Variants in ZNF592 observed in about 807,000 individuals in gnomAD.
ZNF592 encodes zinc finger protein 592.
ZNF592 carries 11 observed loss-of-function variants against 80.3 expected under a neutral mutation model. That is an observed-to-expected ratio of 0.14 (90% CI 0.09 to 0.23). The LOEUF (loss-of-function observed/expected upper bound fraction) is 0.23, where lower values mean the gene tolerates loss of function less well. Ranked by LOEUF, ZNF592 falls within the 10% of genes least tolerant of loss-of-function variation. ZNF592 has a pLI of 1.00. For missense variants in ZNF592, 1,420 were observed against 1,633.9 expected, an observed-to-expected ratio of 0.87 and a Z score of 2.26; for synonymous variants, 646 against 640.3, an observed-to-expected ratio of 1.01 and a Z score of -0.13.
chr15:84,784,905 C>A lies in ZNF592; in HGVS notation c.2220+10C>A. Reference sequence around the variant, plus strand: ...GGAGACAGAGGGGCTGGTAAGCAGACCCTCACTGTTACGGGTATCGGGCCC... The same window carrying A: ...GGAGACAGAGGGGCTGGTAAGCAGAACCTCACTGTTACGGGTATCGGGCCC... On this transcript the variant is annotated intron_variant, in intron 4 of 10. Coordinates refer to ENST00000560079, the MANE Select transcript of ZNF592 (RefSeq NM_014630.3). This position sits in a 1 kb window ranked among gnomAD's most constrained non-coding sequence, Gnocchi z 5.8. 6.2e-7 allele frequency: 1 copy of A among 1,614,070 alleles called. No individual in the cohort carries two copies. Among genetic ancestry groups the A allele is most frequent in the Non-Finnish European group, 8.5e-7 (1 of 1,180,016 alleles).
intron 1 of ZNF592, among the ~76,000 whole-genome samples, chr15:84,756,011 TC>T (rs1207158168): frequency 6.6e-6 from 1 of 152,176 alleles, no homozygotes. Flanking sequence ...AAGAAATCAT[TC>T]CTTTTCTGGT....
chr15:84,752,165 T>C (rs1398688237), intron 1 of ZNF592, among the ~76,000 whole-genome samples: 1 of 152,248 alleles, frequency 6.6e-6, no homozygotes, highest in Non-Finnish European at 1.5e-5. Context: ...TTCTTGAATT[T>C]CGTGTGACTT....
chr15:84,798,307 CTCA>C lies in ZNF592; in HGVS notation c.2577-4_2577-2del, dbSNP rs1962981765. On this transcript the variant is annotated splice_polypyrimidine_tract_variant and splice_region_variant and intron_variant, in intron 6 of 10. Coordinates refer to ENST00000560079, the MANE Select transcript of ZNF592 (RefSeq NM_014630.3). The surrounding 1 kb of genome is among the most constrained non-coding windows in gnomAD (Gnocchi z 4.5). ...GGCCACCTCACCCCCTAGGGCTTGT[CTCA>C]TCAGGCTCATTTATAAGTGCTCCTG... 1 of 1,614,172 alleles carries C rather than the reference CTCA, an allele frequency of 6.2e-7. No individual in the cohort carries two copies. Among genetic ancestry groups the C allele is most frequent in the East Asian group, 2.2e-5 (1 of 44,884 alleles).
At chr15:84,786,590 G>T (rs1344480446) in intron 4 of ZNF592, among the ~76,000 whole-genome samples, 1 of 152,128 alleles carries the variant, frequency 6.6e-6, no homozygotes, top group Non-Finnish European at 1.5e-5. Context: ...GGGCCAGAAG[G>T]TGCTATAGGA....
At position 84,783,588 on chromosome 15, in the gene ZNF592, C is replaced by T. The variant is rs1962489313; in HGVS notation, c.913C>T (p.Pro305Ser). The change falls in exon 4 of 11, where the codon CCT (proline) becomes TCT (serine). Residue 305 changes from proline to serine, a missense_variant. By Grantham distance (74) the Pro-to-Ser change is moderately conservative (BLOSUM62 -1). Around this residue, in one of 7 missense-constraint regions of ZNF592, gnomAD observed 373 missense variants for 355.5 expected, o/e 1.05. Transcript: ENST00000560079. This position sits in a 1 kb window ranked among gnomAD's most constrained non-coding sequence, Gnocchi z 5.0. ...RVASVTKEDQ[P>S]GHTKDLSGPT... is the part of the protein sequence containing the mutation. ...GGCTAGTGTCACTAAGGAGGATCAG[C>T]CTGGCCACACAAAGGATCTCTCAGG... 6.2e-7 allele frequency: 1 copy of T among 1,614,222 alleles called. No individual in the cohort carries two copies. Among genetic ancestry groups the T allele is most frequent in the Non-Finnish European group, 8.5e-7 (1 of 1,180,050 alleles).
chr15:84,770,375 A>G (rs1899664280), intron 2 of ZNF592, among the ~76,000 whole-genome samples: 1 of 152,240 alleles, frequency 6.6e-6, no homozygotes, highest in Non-Finnish European at 1.5e-5. Context: ...TGAAATGTTC[A>G]GTAAACTACA....
At chr15:84,777,849 A>G (rs1365760068) in intron 2 of ZNF592, among the ~76,000 whole-genome samples, 1 of 151,812 alleles carries the variant, frequency 6.6e-6, no homozygotes, top group African/African-American at 2.4e-5. Flanking sequence ...ATAGGCGCCC[A>G]CCACCACGCC....
chr15:84,776,183 G>C (rs770748986), intron 2 of ZNF592, among the ~76,000 whole-genome samples: 1 of 152,196 alleles, frequency 6.6e-6, no homozygotes, highest in South Asian at 2.1e-4. Context: ...TTCAGGGTGA[G>C]CCTCTGACAA....
chr15:84,786,523 C>G (rs1962589116), intron 4 of ZNF592, among the ~76,000 whole-genome samples: 1 of 152,100 alleles, frequency 6.6e-6, no homozygotes, highest in Non-Finnish European at 1.5e-5. Context: ...GGGTAGAGGT[C>G]AGAGGTTGAG....
In ZNF592 at chr15:84,777,707, T is replaced by C. The variant is rs1962300619; in HGVS notation, c.-149-476T>C. Reference sequence around the variant, plus strand: ...TCTGTTGAGATACTTTTTTTTTTTTTTTTTTTTTTTGAGATGGAGTCTAGC... The same window carrying C: ...TCTGTTGAGATACTTTTTTTTTTTTCTTTTTTTTTTGAGATGGAGTCTAGC... On this transcript the variant is annotated intron_variant, in intron 2 of 10. Transcript: ENST00000560079. Among the ~76,000 whole-genome samples the C allele has an allele frequency of 2.1e-5, 3 of 142,192 alleles. No individual in the cohort carries two copies. The South Asian group carries it at 7.1e-4, about 33-fold the overall frequency. 93.3% of individuals were successfully genotyped at this position (142,192 alleles called of 152,430 possible).
At chr15:84,760,076 AGGGGAGT>A (rs372534678) in intron 1 of ZNF592, among the ~76,000 whole-genome samples, 1,919 of 151,538 alleles carry the variant, frequency 0.013, 40 homozygotes, top group African/African-American at 0.041. Flanking sequence ...GGATAGGCAG[AGGGGAGT>A]GATCCTTTTA....
At chr15:84,773,301 T>A (rs1034917628) in intron 2 of ZNF592, among the ~76,000 whole-genome samples, 4 of 148,770 alleles carry the variant, frequency 2.7e-5, no homozygotes, top group African/African-American at 7.4e-5. Context: ...AAGCTCCGCC[T>A]CCCGGGTTCA....
At chr15:84,765,471 A>C (rs1404496265) in intron 2 of ZNF592, among the ~76,000 whole-genome samples, 1 of 150,204 alleles carries the variant, frequency 6.7e-6, no homozygotes, top group Non-Finnish European at 1.5e-5. Context: ...ACCATTTTAC[A>C]TTCCTACCAG....
intron 2 of ZNF592, among the ~76,000 whole-genome samples, chr15:84,774,938 G>A (rs1226301894): frequency 1.3e-5 from 2 of 151,352 alleles, no homozygotes; most frequent in Non-Finnish European, 2.9e-5. Context: ...ACACCACCAC[G>A]CCCAGCTAGT....
At position 84,778,309 on chromosome 15, in the gene ZNF592, TCAGGTACA is replaced by T; in HGVS notation, c.-20_-20+7del. The T allele has an allele frequency of 3.8e-6, 1 of 266,180 alleles. No individual in the cohort carries two copies. 16.5% of individuals were successfully genotyped at this position (266,180 alleles called of 1,614,324 possible). ...GGTCCCTACCTGCCACGGATACCAG[TCAGGTACA>T]CATGCAGAGGCTGGAGGAGGCGGTG... On this transcript the variant is annotated splice_donor_variant and splice_donor_5th_base_variant and 5_prime_UTR_variant and intron_variant, in exon 3 of 11. Transcript: ENST00000560079. LOFTEE classifies it low-confidence loss of function (5UTR_SPLICE).
At chr15:84,766,707 G>GTGTGTGTA (rs1491502267) in intron 2 of ZNF592, among the ~76,000 whole-genome samples, 2 of 1,878 alleles carry the variant, frequency 1.1e-3, no homozygotes, top group African/African-American at 0.021. Flanking sequence ...ATGAGAAAGA[G>GTGTGTGTA]TGTGTGTGTG....
At chr15:84,781,527 G>A (rs1236351458) in intron 3 of ZNF592, among the ~76,000 whole-genome samples, 1 of 152,056 alleles carries the variant, frequency 6.6e-6, no homozygotes, top group Non-Finnish European at 1.5e-5. Context: ...TAAATTTCTG[G>A]AAGTGGGGTT....
At position 84,782,809 on chromosome 15, in the gene ZNF592, G is replaced by C. The variant is rs1962455631; in HGVS notation, c.134G>C (p.Gly45Ala). 3 of 1,614,082 alleles carry C rather than the reference G, an allele frequency of 1.9e-6. No homozygotes were observed. The East Asian group carries it at 6.7e-5, about 36-fold the overall frequency. Reference protein sequence around the residue: ...EENESPLKPPGICMDESVSLS... With the variant: ...EENESPLKPPAICMDESVSLS... ...AATGAGAGTCCCCTCAAACCTCCAG[G>C]CATATGTATGGATGAAAGTGTGTCC... The change falls in exon 4 of 11, where the codon GGC becomes GCC. Residue 45 changes from glycine (G) to alanine (A), a missense_variant. Transcript: ENST00000560079.
chr15:84,784,054 C>G lies in ZNF592; in HGVS notation c.1379C>G (p.Ser460Cys), dbSNP rs1193342248. Residue 460 changes from serine to cysteine, a missense_variant, in exon 4 of 11, where the codon TCT becomes TGT. Physicochemically the swap from Ser to Cys is moderately radical, Grantham distance 112. Transcript: ENST00000560079. The surrounding 1 kb of genome is among the most constrained non-coding windows in gnomAD (Gnocchi z 5.8). Reference protein sequence around the residue: ...ESMTKASDSSSPSCSSGPRVP... With the variant: ...ESMTKASDSSCPSCSSGPRVP... ...ATGACAAAGGCCAGTGACTCGTCAT[C>G]TCCCAGCTGCAGTTCTGGGCCCCGG... 4 of 1,613,092 alleles carry G rather than the reference C, an allele frequency of 2.5e-6. No homozygotes were observed. The highest frequency in any genetic ancestry group is 1.3e-5 in the African/African-American group (1 of 74,920).
Sources: allele counts gnomAD v4.1 joint callset (sites outside exome capture counted in the v4.1 genomes callset), GRCh38; gene constraint gnomAD v4.1.1; regional missense constraint gnomAD v4.1.1; non-coding constraint Gnocchi (gnomAD v3.1); transcripts MANE v1.5; gene names NCBI Gene and HGNC (gene_info 2026-07-23, HGNC 2026-07-21).